The following MXRA5 variants were observed in gnomAD, a reference collection of about 807,000 sequenced individuals.
MXRA5 encodes the protein matrix-remodeling-associated protein 5.
A neutral mutation model predicts 112.5 loss-of-function variants in MXRA5; 41 were observed. That is an observed-to-expected ratio of 0.36 (90% CI 0.28 to 0.47). The LOEUF (loss-of-function observed/expected upper bound fraction) is 0.47. Among genes scored for constraint, MXRA5 ranks in the 20% least tolerant of loss-of-function variants. The probability of loss-of-function intolerance (pLI) is 0.99; values close to 1 mark genes in which losing one functional copy is unlikely to be tolerated. For missense variants in MXRA5, 2,150 were observed against 2,251.0 expected, an observed-to-expected ratio of 0.96 and a Z score of 0.91; for synonymous variants, 862 against 900.8, an observed-to-expected ratio of 0.96 and a Z score of 0.77.
chrX:3,341,113 AATATATTATACATAATATATT>A (rs1291281340), intron 2 of MXRA5, among the ~76,000 whole-genome samples: 2 of 63,226 alleles, frequency 3.2e-5, no homozygotes, highest in East Asian at 4.8e-4. Context: ...AATATAATAT[AATATATTATACATAATATATT>A]ATATATTATA....
intron 2 of MXRA5, among the ~76,000 whole-genome samples, chrX:3,334,510 T>C (rs1178456536): frequency 1.8e-5 from 2 of 111,131 alleles, no homozygotes; most frequent in African/African-American, 6.5e-5. Flanking sequence ...CCAAGGCTGA[T>C]ACCAGGGAGA....
In MXRA5 at chrX:3,317,930, C is replaced by A; in HGVS notation, c.5751G>T (p.Lys1917Asn). ...ACTGGCCTCGATCTTGTACTTGAAC[C>A]TTCCGTATCACTAAGGTACCGTTCT... Reference protein sequence around the residue: ...VLKNGTLVIRKVQVQDRGQYM... With the variant: ...VLKNGTLVIRNVQVQDRGQYM... Residue 1917 changes from lysine to asparagine, a missense_variant, in exon 6 of 7, where the codon AAG becomes AAT. Coordinates refer to ENST00000217939, the MANE Select transcript of MXRA5 (RefSeq NM_015419.4). 1 of 1,211,240 alleles carries A rather than the reference C, an allele frequency of 8.3e-7. No individual in the cohort carries two copies.
chrX:3,342,788 T>C (rs1170633249), intron 2 of MXRA5, among the ~76,000 whole-genome samples: 1 of 112,622 alleles, frequency 8.9e-6, no homozygotes, highest in Admixed American at 9.4e-5. Context: ...CATTCTCTTC[T>C]TCTACCACTG....
Position 3,317,200 on chromosome X carries a change from C to T in MXRA5, c.6481G>A (p.Gly2161Arg). Residue 2161 changes from glycine to arginine, a missense_variant, in exon 6 of 7, where the codon GGA becomes AGA. Around this residue, in one of 6 missense-constraint regions of MXRA5, gnomAD observed 1,485 missense variants for 1,471.6 expected, o/e 1.01. Coordinates refer to ENST00000217939, the MANE Select transcript of MXRA5 (RefSeq NM_015419.4). ...TSPRRTDVRY[G>R]GTLKLDCSAS... ...CTGCAGTCCAGCTTGAGGGTTCCTC[C>T]GTACCTGACGTCCGTCCTCCGCGGG... 8.3e-7 allele frequency: 1 copy of T among 1,210,644 alleles called. No homozygotes were observed. The highest frequency in any genetic ancestry group is 1.1e-6 in the Non-Finnish European group (1 of 895,159).
Position 3,310,826 on chromosome X carries a change from G to A in MXRA5, c.7377C>T (p.Gly2459=). ...ITTVREIAAG[G]SRKLIDCKAE... Reference sequence around the variant, plus strand: ...CTTTGCAGTCAATCAGTTTCCGACTGCCCCCGGCTGCTATCTCCCGCACAG... The same window carrying A: ...CTTTGCAGTCAATCAGTTTCCGACTACCCCCGGCTGCTATCTCCCGCACAG... Residue 2459 remains glycine (G), a synonymous_variant, in exon 7 of 7, where the codon GGC becomes GGT. Transcript: ENST00000217939. 8.3e-7 allele frequency: 1 copy of A among 1,209,556 alleles called. No homozygotes were observed. The highest frequency in any genetic ancestry group is 1.1e-6 in the Non-Finnish European group (1 of 894,722).
rs1920986194 is a variant in MXRA5, at chrX:3,311,189, T to C, written c.7014A>G (p.Arg2338=). 8.3e-7 allele frequency: 1 copy of C among 1,209,880 alleles called. No individual in the cohort carries two copies. The highest frequency in any genetic ancestry group is 2.2e-5 in the Admixed American group (1 of 45,784). ...TGGCGGGCGCTGTCACCACCTTGACTCTGACTCTCATCTCGTCCTTCCCGA... is the reference window on the plus strand; with the variant it reads ...TGGCGGGCGCTGTCACCACCTTGACCCTGACTCTCATCTCGTCCTTCCCGA... ...NQVGKDEMRV[R]VKVVTAPATI... is the part of the protein sequence containing the mutation. The change falls in exon 7 of 7, where the codon AGA becomes AGG. Residue 2338 remains arginine, a synonymous_variant. Coordinates refer to ENST00000217939, the MANE Select transcript of MXRA5 (RefSeq NM_015419.4).
Position 3,322,740 on chromosome X carries a change from A to C in MXRA5, c.2945T>G (p.Leu982Trp). The change falls in exon 5 of 7, where the codon TTG becomes TGG. Residue 982 changes from leucine to tryptophan, a missense_variant. This residue lies in a region of MXRA5 where 1,485 missense variants were observed against 1,471.6 expected (regional missense o/e 1.01). Coordinates refer to ENST00000217939, the MANE Select transcript of MXRA5 (RefSeq NM_015419.4). ...SEPMQYFDPD[L>W]ETKSQPDEDK... is the part of the protein sequence containing the mutation. ...CTCATCTGGTTGTGACTTAGTCTCC[A>C]AATCTGGGTCAAAGTATTGCATGGG... 8.3e-7 allele frequency: 1 copy of C among 1,211,584 alleles called. No individual in the cohort carries two copies. Among genetic ancestry groups the C allele is most frequent in the Non-Finnish European group, 1.1e-6 (1 of 895,482 alleles).
At chrX:3,312,560 C>CTTT (rs773869772) in intron 6 of MXRA5, among the ~76,000 whole-genome samples, 22 of 91,050 alleles carry the variant, frequency 2.4e-4, no homozygotes, top group African/African-American at 6.9e-4. Context: ...ACCACACTTT[C>CTTT]TTTTTTTTTT....
At position 3,322,229 on chromosome X, in the gene MXRA5, G is replaced by A. The variant is rs772951131; in HGVS notation, c.3456C>T (p.Asn1152=). 1.9e-5 allele frequency: 23 copies of A among 1,192,094 alleles called. No homozygotes were observed. Among genetic ancestry groups the A allele is most frequent in the East Asian group, 3.0e-5 (1 of 33,561 alleles). The change falls in exon 5 of 7, where the codon AAC becomes AAT. Residue 1152 remains asparagine (N), a synonymous_variant. Transcript: ENST00000217939. The part of the protein sequence containing the change: ...MSTHPSRRRP[N]GRRRLRPNKF... ...TGTTGGGGCGTAATCTCCTTCTCCC[G>A]TTGGGTCTCCTTCGAGAAGGGTGAG...
intron 4 of MXRA5, among the ~76,000 whole-genome samples, chrX:3,329,396 A>G: frequency 1.3e-5 from 1 of 76,701 alleles, no homozygotes; most frequent in Admixed American, 1.5e-4. Context: ...GAGAAGAAGG[A>G]AGGAAGGAAG....
intron 1 of MXRA5, among the ~76,000 whole-genome samples, chrX:3,345,775 G>C (rs145270247): frequency 0.12 from 13,505 of 112,685 alleles, 843 homozygotes; most frequent in East Asian, 0.33. Context: ...GGGCAGCCCT[G>C]AGCCCCTGGC....
At position 3,336,830 on chromosome X, in the gene MXRA5, G is replaced by T. The variant is rs952509133; in HGVS notation, c.189-6057C>A. On this transcript the variant is annotated intron_variant, in intron 2 of 6. Transcript: ENST00000217939. ...AAATCAAAAGGAAAATAAGGCAGGT[G>T]CTGTTTGAACTTCGCTCAATATGAA... Among the ~76,000 whole-genome samples the T allele has an allele frequency of 3.6e-5, 4 of 111,848 alleles. 1 individual carries two copies. The South Asian group carries it at 1.1e-3, about 32-fold the overall frequency.
At position 3,322,862 on chromosome X, in the gene MXRA5, T is replaced by A; in HGVS notation, c.2823A>T (p.Thr941=). ...YEKPTHEETA[T]EGWSAADVGS... Reference sequence around the variant, plus strand: ...CAACATCTGCTGCAGACCAACCCTCTGTTGCCGTCTCTTCATGGGTGGGCT... The same window carrying A: ...CAACATCTGCTGCAGACCAACCCTCAGTTGCCGTCTCTTCATGGGTGGGCT... The change falls in exon 5 of 7, where the codon ACA becomes ACT. Residue 941 remains threonine (T), a synonymous_variant. Coordinates refer to ENST00000217939, the MANE Select transcript of MXRA5 (RefSeq NM_015419.4). 8.3e-7 allele frequency: 1 copy of A among 1,211,550 alleles called. No individual in the cohort carries two copies. Among genetic ancestry groups the A allele is most frequent in the South Asian group, 1.8e-5 (1 of 56,916 alleles).
chrX:3,323,436 G>T lies in MXRA5; in HGVS notation c.2249C>A (p.Ser750Ter). 1 of 1,211,654 alleles carries T rather than the reference G, an allele frequency of 8.3e-7. No homozygotes were observed. Among genetic ancestry groups the T allele is most frequent in the Non-Finnish European group, 1.1e-6 (1 of 895,514 alleles). ...AACATTGGTCTCTGGTTCTTTTTCC[G>T]AATGCTTCCAGAGTTTCAGCTTTCT... Reference protein sequence around the residue: ...GRRKLKLWKHSEKEPETNVAE... With the variant: ...GRRKLKLWKH Residue 750 changes from serine (S) to a stop codon, truncating the protein, a stop_gained, in exon 5 of 7, where the codon TCG becomes TAG. Coordinates refer to ENST00000217939, the MANE Select transcript of MXRA5 (RefSeq NM_015419.4). LOFTEE classifies it high-confidence loss of function.
intron 2 of MXRA5, among the ~76,000 whole-genome samples, chrX:3,343,030 G>C (rs1270443184): frequency 8.9e-6 from 1 of 112,238 alleles, no homozygotes; most frequent in African/African-American, 3.2e-5. Context: ...AATTGCAGTT[G>C]AGCACCTGTA....
intron 3 of MXRA5, 46 bp from the exon 4 acceptor site, chrX:3,330,454 A>G (rs757396838): frequency 2.6e-6 from 3 of 1,147,241 alleles, no homozygotes; most frequent in Non-Finnish European, 3.5e-6. Context: ...GATCCTGTTT[A>G]TAGTTTAAAA....
rs754404131 is a variant in MXRA5 at position 3,309,711 on chromosome X, A to G, written c.*5T>C. ...TTCCTAAGCAATCATTCTGGAATCC[A>G]CATTTCAGAAGACGTGGATGTAAGT... On this transcript the variant is annotated 3_prime_UTR_variant, in exon 7 of 7. Transcript: ENST00000217939. The G allele has an allele frequency of 8.3e-7, 1 of 1,202,605 alleles. No homozygotes were observed. The highest frequency in any genetic ancestry group is 1.1e-6 in the Non-Finnish European group (1 of 888,889).
intron 6 of MXRA5, among the ~76,000 whole-genome samples, chrX:3,313,850 A>C (rs955984456): frequency 1.1e-4 from 12 of 112,246 alleles, no homozygotes; most frequent in Non-Finnish European, 2.1e-4. Flanking sequence ...GCTGGAAGGC[A>C]TTCCTGGGTA....
chrX:3,334,548 A>G (rs1287130747), intron 2 of MXRA5, among the ~76,000 whole-genome samples: 1 of 111,685 alleles, frequency 9.0e-6, no homozygotes, highest in African/African-American at 3.3e-5. Flanking sequence ...GCCAAGCAAG[A>G]CACAAAAAGA....
Sources: gnomAD v4.1 joint callset for allele counts (sites outside exome capture counted in the v4.1 genomes callset) on GRCh38, gnomAD v4.1.1 for gene constraint, gnomAD v4.1.1 regional missense constraint, MANE v1.5 for transcripts, NCBI Gene and HGNC (gene_info 2026-07-23, HGNC 2026-07-21) for gene names.